The following HTRA1 variants were observed in gnomAD, a reference collection of about 807,000 sequenced individuals.
The protein encoded by HTRA1 is serine protease HTRA1.
Under a neutral mutation model 49.7 loss-of-function variants are expected in HTRA1, and 26 were observed. That is an observed-to-expected ratio of 0.52 (90% CI 0.38 to 0.73). HTRA1 has a LOEUF of 0.73. HTRA1 is among the 30% of genes least tolerant of loss of function. The pLI, the probability that HTRA1 is intolerant of heterozygous loss-of-function variation, is 0.00. For synonymous variants in HTRA1, 291 were observed against 286.9 expected, an observed-to-expected ratio of 1.01 and a Z score of -0.14; for missense variants, 561 against 667.2, an observed-to-expected ratio of 0.84 and a Z score of 1.75.
intron 8 of HTRA1, 28 bp from the exon 9 acceptor site, chr10:122,514,163 T>A: frequency 1.9e-6 from 3 of 1,609,294 alleles, no homozygotes; most frequent in Non-Finnish European, 2.6e-6. Context: ...CACGAAACAT[T>A]GCCATTGTGT....
chr10:122,507,479 TTTG>T, intron 5 of HTRA1, 77 bp downstream of exon 5: 9 of 406,250 alleles, frequency 2.2e-5, no homozygotes, highest in Non-Finnish European at 3.6e-5. Context: ...TTGTTTGTTG[TTTG>T]TTTGTTTTTG....
chr10:122,511,862 T>C (rs1052662479), intron 7 of HTRA1, 108 bp from the exon 8 acceptor site: 1 of 777,028 alleles, frequency 1.3e-6, no homozygotes, highest in African/African-American at 1.7e-5. Context: ...CCTGGAGGAA[T>C]TTTACCTTAG....
chr10:122,512,661 G>C (rs967270184), intron 8 of HTRA1, among the ~76,000 whole-genome samples: 23 of 152,216 alleles, frequency 1.5e-4, no homozygotes, highest in Admixed American at 4.6e-4. Flanking sequence ...ATATGGAGCT[G>C]TGGGCTAAGA....
rs557534672 is a variant in HTRA1, at chr10:122,464,001, C to T, written c.472+1877C>T. Among the ~76,000 whole-genome samples, 38 of 152,272 alleles carry T rather than the reference C, an allele frequency of 2.5e-4. No homozygotes were observed. In the South Asian group the frequency reaches 7.0e-3, roughly 28 times the overall value. ...GGCTGGCTGTGCCCCGTGCCCTGTG[C>T]GCAGATGTTCTTGAACTGGAGCAAC... On this transcript the variant is annotated intron_variant, in intron 1 of 8. Coordinates refer to ENST00000368984, the MANE Select transcript of HTRA1 (RefSeq NM_002775.5). The surrounding 1 kb of genome is among the most constrained non-coding windows in gnomAD (Gnocchi z 4.8).
intron 1 of HTRA1, 23 bp from the exon 2 acceptor site, chr10:122,488,879 C>A: frequency 1.3e-6 from 2 of 1,578,404 alleles, no homozygotes; most frequent in Non-Finnish European, 1.7e-6. Flanking sequence ...CATTAAGTAT[C>A]TATTCTTTGC....
chr10:122,498,836 G>A (rs2097499759), intron 3 of HTRA1, among the ~76,000 whole-genome samples: 1 of 152,200 alleles, frequency 6.6e-6, no homozygotes, highest in Non-Finnish European at 1.5e-5. Flanking sequence ...AATGGAGCAT[G>A]CTCAGGGAAC....
At position 122,473,092 on chromosome 10, in the gene HTRA1, G is replaced by T. The variant is rs78662571; in HGVS notation, c.472+10968G>T. ...TTAGATTCCTTTTTTGGTCTTACAGGTTACTTTTATTCTCAGGTTGATGGC... is the reference window on the plus strand; with the variant it reads ...TTAGATTCCTTTTTTGGTCTTACAGTTTACTTTTATTCTCAGGTTGATGGC... On this transcript the variant is annotated intron_variant, in intron 1 of 8. Transcript: ENST00000368984. Among the ~76,000 whole-genome samples, 792 of 152,288 alleles carry T rather than the reference G, an allele frequency of 5.2e-3. 4 individuals are homozygous for T. The highest frequency in any genetic ancestry group is 0.018 in the African/African-American group (758 of 41,556).
rs760033533 is a variant in HTRA1 at position 122,511,980 on chromosome 10, G to C, written c.1189G>C (p.Glu397Gln). 3 of 1,613,788 alleles carry C rather than the reference G, an allele frequency of 1.9e-6. No homozygotes were observed. The highest frequency in any genetic ancestry group is 4.5e-5 in the East Asian group (2 of 44,882). Residue 397 changes from glutamate (E) to glutamine (Q), a missense_variant, in exon 8 of 9, where the codon GAG (glutamate) becomes CAG (glutamine). Physicochemically the swap from Glu to Gln is conservative, Grantham distance 29. Coordinates refer to ENST00000368984, the MANE Select transcript of HTRA1 (RefSeq NM_002775.5). ...MMSLTSSKAK[E>Q]LKDRHRDFPD... ...TTTTCTCTGGAGCAGCAAAGCCAAA[G>C]AGCTGAAGGACCGGCACCGGGACTT... is the stretch of plus-strand genomic sequence containing the variant.
At chr10:122,501,312 T>G (rs1755897419) in intron 3 of HTRA1, among the ~76,000 whole-genome samples, 1 of 152,216 alleles carries the variant, frequency 6.6e-6, no homozygotes, top group South Asian at 2.1e-4. Flanking sequence ...GGAACTGCTG[T>G]GACCATTGCT....
intron 3 of HTRA1, among the ~76,000 whole-genome samples, chr10:122,504,363 G>C (rs1591039122): frequency 6.6e-6 from 1 of 152,332 alleles, no homozygotes; most frequent in East Asian, 1.9e-4. Flanking sequence ...GAGGCGCCAA[G>C]GGGTGGTAAG....
intron 1 of HTRA1, among the ~76,000 whole-genome samples, chr10:122,485,748 A>G (rs2097492819): frequency 1.3e-5 from 2 of 152,176 alleles, no homozygotes; most frequent in South Asian, 4.1e-4. Context: ...GGTGTGGGCA[A>G]ATTCTCCCAT....
chr10:122,505,184 G>C (rs2097502530), intron 3 of HTRA1, among the ~76,000 whole-genome samples: 1 of 152,302 alleles, frequency 6.6e-6, no homozygotes, highest in African/African-American at 2.4e-5. Context: ...GGACCTGAGT[G>C]GTCATAAGCT....
rs183727313 is a variant in HTRA1 at position 122,477,318 on chromosome 10, A to G, written c.473-11584A>G. ...TCGGGGCTGAAGGGGATGCCAAAGA[A>G]ATATAAGATGAGCCCCTCAGACGGC... On this transcript the variant is annotated intron_variant, in intron 1 of 8. Transcript: ENST00000368984. Among the ~76,000 whole-genome samples, 652 of 152,244 alleles carry G rather than the reference A, an allele frequency of 4.3e-3. 9 individuals carry two copies. The highest frequency in any genetic ancestry group is 0.016 in the Admixed American group (250 of 15,288).
chr10:122,495,950 A>C (rs1286810616), intron 3 of HTRA1, among the ~76,000 whole-genome samples: 1 of 152,102 alleles, frequency 6.6e-6, no homozygotes, highest in Non-Finnish European at 1.5e-5. Flanking sequence ...ATTTAGGTAG[A>C]GTGTATGGCT....
intron 3 of HTRA1, among the ~76,000 whole-genome samples, chr10:122,501,230 G>A (rs2097500728): frequency 6.6e-6 from 1 of 152,148 alleles, no homozygotes; most frequent in South Asian, 2.1e-4. Flanking sequence ...TGCCGGACAC[G>A]CGCCGTGGGA....
Position 122,507,397 on chromosome 10 carries a change from A to G in HTRA1, c.1000A>G (p.Asn334Asp). The G allele has an allele frequency of 6.2e-7, 1 of 1,608,964 alleles. No homozygotes were observed. Among genetic ancestry groups the G allele is most frequent in the Non-Finnish European group, 8.5e-7 (1 of 1,175,330 alleles). ...TGGAAACTCGGGAGGCCCGTTAGTA[A>G]ACCTGGTAAGGTCTTTTAAACCTAT... ...NYGNSGGPLV[N>D]LDGEVIGINT... Residue 334 changes from asparagine (N) to aspartate (D), a missense_variant, in exon 5 of 9, where the codon AAC becomes GAC. Physicochemically the swap from Asn to Asp is conservative, Grantham distance 23. Coordinates refer to ENST00000368984, the MANE Select transcript of HTRA1 (RefSeq NM_002775.5).
At chr10:122,463,820 C>T (rs1333853545) in intron 1 of HTRA1, among the ~76,000 whole-genome samples, 1 of 152,218 alleles carries the variant, frequency 6.6e-6, no homozygotes, top group African/African-American at 2.4e-5. Context: ...TGTAAATTTC[C>T]TGGTGGGCTG....
intron 3 of HTRA1, among the ~76,000 whole-genome samples, chr10:122,495,933 C>T (rs771683891): frequency 3.9e-5 from 6 of 152,202 alleles, no homozygotes; most frequent in Admixed American, 2.0e-4. Context: ...CATGGTCATG[C>T]TCACTTATTT....
chr10:122,485,034 A>G (rs2097492523), intron 1 of HTRA1, among the ~76,000 whole-genome samples: 1 of 152,262 alleles, frequency 6.6e-6, no homozygotes, highest in Admixed American at 6.5e-5. Context: ...ACCATCAGGC[A>G]GTGGCCACTC....
Sources: gnomAD v4.1 joint callset for allele counts (sites outside exome capture counted in the v4.1 genomes callset) on GRCh38, gnomAD v4.1.1 for gene constraint, Gnocchi (gnomAD v3.1) non-coding constraint, MANE v1.5 for transcripts, NCBI Gene and HGNC (gene_info 2026-07-23, HGNC 2026-07-21) for gene names.